Variants in NEK5 observed in about 807,000 individuals in gnomAD.
The protein encoded by NEK5 is NIMA related kinase 5, also known as serine/threonine-protein kinase Nek5.
In NEK5, 88 loss-of-function variants were observed where a neutral mutation model predicts 109.2. The ratio of observed to expected loss-of-function variants is 0.81; its 90% CI spans 0.68 to 0.96. NEK5 has a LOEUF of 0.96. NEK5 is among the 40% of genes least tolerant of loss of function. NEK5 has a pLI of 0.00. For missense variants in NEK5, 834 were observed against 920.7 expected (o/e 0.91, Z 1.22); for synonymous variants, 283 against 299.9 (o/e 0.94, Z 0.58).
Position 52,106,766 on chromosome 13 carries a change from C to CA in NEK5, c.554+1551dup, listed in dbSNP as rs879640846. On this transcript the variant is annotated intron_variant, in intron 8 of 23. Coordinates refer to ENST00000684899, the MANE Select transcript of NEK5 (RefSeq NM_001365552.1). Reference sequence around the variant, plus strand: ...TGGATGACAGAGCCAGACTCCATCTCAAAAAAAAAAAAAATTATTGCTGAG... The same window carrying CA: ...TGGATGACAGAGCCAGACTCCATCTCAAAAAAAAAAAAAAATTATTGCTGAG... 7.5e-3 allele frequency among the ~76,000 whole-genome samples: 1,009 copies of CA among 134,690 alleles called. 11 individuals carry two copies. Among genetic ancestry groups the CA allele is most frequent in the African/African-American group, 9.8e-3 (360 of 36,780 alleles). 88.4% of individuals were successfully genotyped at this position (134,690 alleles called of 152,430 possible). A position where few individuals can be genotyped will look rare whatever the true frequency, so the allele number is the denominator to read the frequency against.
At position 52,037,125 on chromosome 13, in the gene NEK5, C is replaced by T. The variant is rs958276475; in HGVS notation, c.2322G>A (p.Glu774=). ...ATFKGEEKTE[E]ASSTSKDSRK... Reference sequence around the variant, plus strand: ...TAGAGTCCTTAGAGGTACTGGAGGCCTCTTCTGTTTTTTCTTCCCCTTTGA... The same window carrying T: ...TAGAGTCCTTAGAGGTACTGGAGGCTTCTTCTGTTTTTTCTTCCCCTTTGA... The change falls in exon 24 of 24, where the codon GAG becomes GAA. Residue 774 remains glutamate (E), a synonymous_variant. Transcript: ENST00000684899. 8.1e-6 allele frequency: 8 copies of T among 985,226 alleles called. No individual in the cohort carries two copies. Among genetic ancestry groups the T allele is most frequent in the Non-Finnish European group, 7.2e-6 (6 of 829,910 alleles). 61.0% of individuals were successfully genotyped at this position (985,226 alleles called of 1,614,324 possible). A position where few individuals can be genotyped will look rare whatever the true frequency, so the allele number is the denominator to read the frequency against.
At chr13:52,064,342 A>G (rs12876499) in intron 21 of NEK5, among the ~76,000 whole-genome samples, 9 of 101,032 alleles carry the variant, frequency 8.9e-5, no homozygotes, top group Non-Finnish European at 1.4e-4. Context: ...CGCCCCATCC[A>G]GGAGGGAGGT....
intron 19 of NEK5, among the ~76,000 whole-genome samples, chr13:52,075,312 T>C (rs902068274): frequency 3.3e-5 from 5 of 152,284 alleles, no homozygotes; most frequent in Non-Finnish European, 7.4e-5. Context: ...TGAAATCATG[T>C]CCATGCAACA....
intron 12 of NEK5, 87 bp downstream of exon 12, chr13:52,099,656 G>A (rs183522259): frequency 7.6e-6 from 11 of 1,447,084 alleles, no homozygotes; most frequent in East Asian, 6.9e-5. Flanking sequence ...GCGACAGAGC[G>A]AGACTCCGTC....
In NEK5 at chr13:52,119,313, T is replaced by G; in HGVS notation, c.214+6A>C. On this transcript the variant is annotated splice_donor_region_variant and intron_variant, in intron 4 of 23. Coordinates refer to ENST00000684899, the MANE Select transcript of NEK5 (RefSeq NM_001365552.1). ...AAAATACTTAACGAATATTAGAAAA[T>G]CAAACCTTGAAATGAATTGAAGAAG... 1 of 1,512,608 alleles carries G rather than the reference T, an allele frequency of 6.6e-7. No homozygotes were observed. The highest frequency in any genetic ancestry group is 1.4e-5 in the African/African-American group (1 of 72,718). 93.7% of individuals were successfully genotyped at this position (1,512,608 alleles called of 1,614,324 possible).
chr13:52,089,863 C>A (rs760606872), intron 13 of NEK5, among the ~76,000 whole-genome samples: 1 of 151,954 alleles, frequency 6.6e-6, no homozygotes, highest in African/African-American at 2.4e-5. Flanking sequence ...CACCTGTAAT[C>A]CCAGCTACTG....
At chr13:52,067,789 C>T (rs890598129) in intron 20 of NEK5, among the ~76,000 whole-genome samples, 5 of 150,298 alleles carry the variant, frequency 3.3e-5, no homozygotes, top group Non-Finnish European at 7.4e-5. Flanking sequence ...CCTCCCAGGT[C>T]CAAGTGATTC....
intron 5 of NEK5, among the ~76,000 whole-genome samples, chr13:52,111,897 C>G (rs149882653): frequency 6.6e-6 from 1 of 152,116 alleles, no homozygotes; most frequent in South Asian, 2.1e-4. Context: ...TAAAACAGAG[C>G]ACCAAATGGT....
chr13:52,045,510 A>G (rs1376035239), intron 23 of NEK5, among the ~76,000 whole-genome samples: 2 of 150,442 alleles, frequency 1.3e-5, no homozygotes, highest in Non-Finnish European at 3.0e-5. Flanking sequence ...GCACGCCTGT[A>G]ATCCCAGCAC....
chr13:52,076,696 C>T (rs1033298486), intron 17 of NEK5, among the ~76,000 whole-genome samples: 2 of 152,180 alleles, frequency 1.3e-5, no homozygotes, highest in African/African-American at 4.8e-5. Context: ...TTAAATGCCA[C>T]TGTTAAGCAG....
At chr13:52,084,108 T>C (rs1955068991) in intron 16 of NEK5, among the ~76,000 whole-genome samples, 1 of 152,250 alleles carries the variant, frequency 6.6e-6, no homozygotes, top group African/African-American at 2.4e-5. Flanking sequence ...ACCTGCTCAT[T>C]CTGCTCATCT....
chr13:52,082,256 G>T (rs192364063), intron 17 of NEK5: 1 of 452,140 alleles, frequency 2.2e-6, no homozygotes. Context: ...CGGAGGTTGC[G>T]GTGAGCCAAG....
At chr13:52,110,640 G>GCCAGGC in intron 5 of NEK5, 63 bp from the exon 6 acceptor site, 1 of 915,984 alleles carries the variant, frequency 1.1e-6, no homozygotes, top group Non-Finnish European at 1.7e-6. Context: ...TGTCTTCATG[G>GCCAGGC]TAACATGCAA....
chr13:52,095,826 T>C (rs1372845894), intron 12 of NEK5, among the ~76,000 whole-genome samples: 1 of 152,188 alleles, frequency 6.6e-6, no homozygotes, highest in African/African-American at 2.4e-5. Context: ...TCGAGTGATA[T>C]GCTTTGGATT....
intron 21 of NEK5, among the ~76,000 whole-genome samples, chr13:52,063,861 G>A (rs1954638368): frequency 6.6e-6 from 1 of 152,148 alleles, no homozygotes; most frequent in East Asian, 2.0e-4. Flanking sequence ...GGGAAGTGAG[G>A]AGCGTCTCCG....
chr13:52,069,915 T>A (rs1027173612), intron 20 of NEK5, among the ~76,000 whole-genome samples: 3 of 152,204 alleles, frequency 2.0e-5, no homozygotes, highest in African/African-American at 7.2e-5. Context: ...GTGATTAACA[T>A]TTCAGGCTCA....
intron 17 of NEK5, 113 bp from the exon 18 acceptor site, chr13:52,076,256 T>G (rs1593941939): frequency 1.7e-6 from 1 of 590,282 alleles, no homozygotes; most frequent in East Asian, 3.1e-5. Context: ...TAATGGAAAG[T>G]TAATAATAAT....
In NEK5 at chr13:52,127,450, C is replaced by A. The variant is rs201595195; in HGVS notation, c.33G>T (p.Gly11=). The change falls in exon 3 of 24, where the codon GGG becomes GGT. Residue 11 remains glycine (G), a synonymous_variant. Transcript: ENST00000684899. ...AGTATGCTTTCCCGAAGGCACCTTG[C>A]CCGATGGCCTTAATCACATCGTACT... The part of the protein sequence containing the change: MDKYDVIKAI[G]QGAFGKAYLA... 14 of 1,611,124 alleles carry A rather than the reference C, an allele frequency of 8.7e-6. No homozygotes were observed. The East Asian group carries it at 3.1e-4, about 36-fold the overall frequency.
Position 52,127,669 on chromosome 13 carries a change from T to C in NEK5, c.-90-7A>G, listed in dbSNP as rs1367726127. The C allele has an allele frequency of 1.8e-6, 1 of 540,546 alleles. No individual in the cohort carries two copies. Among genetic ancestry groups the C allele is most frequent in the Admixed American group, 3.5e-5 (1 of 28,632 alleles). 33.5% of individuals were successfully genotyped at this position (540,546 alleles called of 1,614,324 possible). On this transcript the variant is annotated splice_region_variant and splice_polypyrimidine_tract_variant and intron_variant, in intron 1 of 23. Transcript: ENST00000684899. Reference sequence around the variant, plus strand: ...TCTTTGTGGCCACAGATAACTGAAATGAGACAGAGTTTCTTGGTCAGACAC... The same window carrying C: ...TCTTTGTGGCCACAGATAACTGAAACGAGACAGAGTTTCTTGGTCAGACAC...
Sources: allele counts gnomAD v4.1 joint callset (sites outside exome capture counted in the v4.1 genomes callset), GRCh38; gene constraint gnomAD v4.1.1; transcripts MANE v1.5; gene names NCBI Gene and HGNC (gene_info 2026-07-23, HGNC 2026-07-21).